VWCE: variants seen among roughly 807,000 people sequenced by gnomAD.
The protein encoded by VWCE is von Willebrand factor C and EGF domain-containing protein.
In VWCE, 68 loss-of-function variants were observed where a neutral mutation model predicts 102.9. The ratio of observed to expected loss-of-function variants is 0.66; its 90% CI spans 0.54 to 0.81. The LOEUF is 0.81. Ranked by LOEUF, VWCE falls within the 30% of genes least tolerant of loss-of-function variation. The probability of loss-of-function intolerance (pLI) is 0.00; values close to 1 mark genes in which losing one functional copy is unlikely to be tolerated. For synonymous variants in VWCE, 497 were observed against 515.4 expected (o/e 0.96, Z 0.48); for missense variants, 1,137 against 1,263.6 (o/e 0.90, Z 1.52).
At chr11:61,267,989 C>A (rs749225351) in intron 15 of VWCE, among the ~76,000 whole-genome samples, 3 of 151,940 alleles carry the variant, frequency 2.0e-5, no homozygotes, top group Non-Finnish European at 4.4e-5. Flanking sequence ...GCCCCAGAAG[C>A]CTGATGTGAG....
Position 61,287,013 on chromosome 11 carries a change from C to T in VWCE, c.425-583G>A, listed in dbSNP as rs551934230. Among the ~76,000 whole-genome samples the T allele has an allele frequency of 2.6e-4, 39 of 152,106 alleles. No individual in the cohort carries two copies. The South Asian group carries it at 7.9e-3, about 31-fold the overall frequency. ...TTGGGAGGCTGAGGCAGGAGAATGGCGTAAACCTGGGAGGCGGAGCTTGCA... is the reference window on the plus strand; with the variant it reads ...TTGGGAGGCTGAGGCAGGAGAATGGTGTAAACCTGGGAGGCGGAGCTTGCA... On this transcript the variant is annotated intron_variant, in intron 4 of 19. Coordinates refer to ENST00000335613, the MANE Select transcript of VWCE (RefSeq NM_152718.2).
chr11:61,281,367 GT>G, intron 7 of VWCE, 132 bp from the exon 8 acceptor site: 1 of 1,094,216 alleles, frequency 9.1e-7, no homozygotes, highest in Non-Finnish European at 1.3e-6. Context: ...ATTCTACTAT[GT>G]TTATGGGGAC....
At chr11:61,289,983 G>A (rs923798438) in intron 4 of VWCE, among the ~76,000 whole-genome samples, 7 of 152,330 alleles carry the variant, frequency 4.6e-5, no homozygotes, top group Middle Eastern at 3.4e-3. Context: ...GATTTTGTCC[G>A]TAGAAATGTT....
chr11:61,270,215 G>A (rs374838117), intron 14 of VWCE, among the ~76,000 whole-genome samples: 9 of 152,152 alleles, frequency 5.9e-5, no homozygotes, highest in South Asian at 2.1e-4. Flanking sequence ...CACCGCGCCC[G>A]GCCCAGCTTA....
rs375854050 is a variant in VWCE at position 61,267,470 on chromosome 11, T to C, written c.1957A>G (p.Ile653Val). ...ATCTGGGTGGTCCATACCAGGCAGA[T>C]GCAGCTCAGACATGGGTCCAGCACA... ...PSVLDPCLSC[I>V]CLLGSVACSP... The change falls in exon 16 of 20, where the codon ATC (isoleucine) becomes GTC (valine). Residue 653 changes from isoleucine (I) to valine (V), a missense_variant. Physicochemically the swap from Ile to Val is conservative, Grantham distance 29. Around this residue, in one of 5 missense-constraint regions of VWCE, gnomAD observed 212 missense variants for 235.1 expected, o/e 0.90. Coordinates refer to ENST00000335613, the MANE Select transcript of VWCE (RefSeq NM_152718.2). 4 of 1,613,946 alleles carry C rather than the reference T, an allele frequency of 2.5e-6. No homozygotes were observed. The African/African-American group carries it at 4.0e-5, about 16-fold the overall frequency.
intron 13 of VWCE, among the ~76,000 whole-genome samples, chr11:61,272,154 TTACA>T (rs1402596875): frequency 6.7e-6 from 1 of 148,548 alleles, no homozygotes; most frequent in Non-Finnish European, 1.5e-5. Context: ...AAATGCACAT[TTACA>T]TACACACACA....
chr11:61,284,808 C>T (rs754985879), intron 5 of VWCE, among the ~76,000 whole-genome samples: 56 of 152,082 alleles, frequency 3.7e-4, no homozygotes, highest in Admixed American at 6.5e-4. Context: ...ATTAGCCAGT[C>T]GTGGTGGCGC....
At chr11:61,267,343 C>T (rs1033259200) in intron 16 of VWCE, 119 bp downstream of exon 16, 8 of 1,031,352 alleles carry the variant, frequency 7.8e-6, no homozygotes, top group Middle Eastern at 2.1e-4. Context: ...TGACTTCCAC[C>T]ATGAACCAGA....
intron 19 of VWCE, 44 bp downstream of exon 19, chr11:61,264,443 G>T: frequency 6.4e-7 from 1 of 1,573,442 alleles, no homozygotes; most frequent in Middle Eastern, 1.7e-4. Context: ...AAGTAAAATG[G>T]AAGAAGATGG....
chr11:61,283,056 A>C (rs1855193549), intron 5 of VWCE, 151 bp from the exon 6 acceptor site: 1 of 705,970 alleles, frequency 1.4e-6, no homozygotes, highest in South Asian at 1.6e-5. Flanking sequence ...GCCCACATCC[A>C]GTCCTAAATA....
rs187729702 is a variant in VWCE at position 61,287,061 on chromosome 11, C to T, written c.425-631G>A. On this transcript the variant is annotated intron_variant, in intron 4 of 19. Coordinates refer to ENST00000335613, the MANE Select transcript of VWCE (RefSeq NM_152718.2). The stretch of plus-strand genomic sequence containing the variant: ...GCAGTGAGCCAAGATCGCACCACTG[C>T]ACTCCAGCCTGGGCGACAGAGCGAG... Among the ~76,000 whole-genome samples, 513 of 152,216 alleles carry T rather than the reference C, an allele frequency of 3.4e-3. 1 individual carries two copies. The highest frequency in any genetic ancestry group is 0.014 in the Middle Eastern group (4 of 294).
chr11:61,258,808 G>A lies in VWCE; in HGVS notation c.2735C>T (p.Pro912Leu), dbSNP rs759315240. 1.3e-6 allele frequency: 2 copies of A among 1,505,360 alleles called. No individual in the cohort carries two copies. Among genetic ancestry groups the A allele is most frequent in the East Asian group, 2.3e-5 (1 of 43,344 alleles). 93.3% of individuals were successfully genotyped at this position (1,505,360 alleles called of 1,614,324 possible). Reference sequence around the variant, plus strand: ...CACGCGAGGCCCGAGGAGGGTGATGGGGGTCTTCGAGGGGCTGGGGTCCAT... The same window carrying A: ...CACGCGAGGCCCGAGGAGGGTGATGAGGGTCTTCGAGGGGCTGGGGTCCAT... ...SMMDPSPSKT[P>L]ITLLGPRVLS... Residue 912 changes from proline (P) to leucine (L), a missense_variant, in exon 20 of 20, where the codon CCC becomes CTC. By Grantham distance (98) the Pro-to-Leu change is moderately conservative. This residue lies in a region of VWCE where 316 missense variants were observed against 319.3 expected (regional missense o/e 0.99). Transcript: ENST00000335613.
chr11:61,290,771 C>T (rs1430554467), intron 4 of VWCE, 28 bp downstream of exon 4: 3 of 1,585,118 alleles, frequency 1.9e-6, no homozygotes, highest in South Asian at 2.2e-5. Context: ...TCCCCCTCCC[C>T]CTCCCCCACC....
At chr11:61,262,611 A>G (rs1565215133) in intron 19 of VWCE, among the ~76,000 whole-genome samples, 1 of 152,232 alleles carries the variant, frequency 6.6e-6, no homozygotes. Flanking sequence ...TAATGTCCCC[A>G]ACATGATGGA....
rs575727930 is a variant in VWCE, at chr11:61,267,471, G to C, written c.1956C>G (p.Cys652Trp). 1 of 1,614,072 alleles carries C rather than the reference G, an allele frequency of 6.2e-7. No homozygotes were observed. The highest frequency in any genetic ancestry group is 8.5e-7 in the Non-Finnish European group (1 of 1,180,036). ...TCTGGGTGGTCCATACCAGGCAGAT[G>C]CAGCTCAGACATGGGTCCAGCACAG... is the stretch of plus-strand genomic sequence containing the variant. ...FPSVLDPCLS[C>W]ICLLGSVACS... Residue 652 changes from cysteine (C) to tryptophan (W), a missense_variant, in exon 16 of 20, where the codon TGC becomes TGG. Cys to Trp is a radical substitution (Grantham distance 215). Around this residue, in one of 5 missense-constraint regions of VWCE, gnomAD observed 212 missense variants for 235.1 expected, o/e 0.90. Transcript: ENST00000335613.
intron 7 of VWCE, 146 bp downstream of exon 7, chr11:61,281,640 G>GGGGTAGGGCGGGGCCA (rs1444478867): frequency 8.9e-7 from 1 of 1,119,902 alleles, no homozygotes; most frequent in African/African-American, 1.6e-5. Flanking sequence ...GGGCGGGGCC[G>GGGGTAGGGCGGGGCCA]GGGTAGGGCG....
chr11:61,283,519 C>T (rs914871743), intron 5 of VWCE, among the ~76,000 whole-genome samples: 1 of 152,218 alleles, frequency 6.6e-6, no homozygotes, highest in Non-Finnish European at 1.5e-5. Flanking sequence ...TCAAGCAGTT[C>T]TCCTGCCTCA....
At chr11:61,291,078 T>G (rs1565232139) in intron 3 of VWCE, 151 bp from the exon 4 acceptor site, 1 of 1,344,860 alleles carries the variant, frequency 7.4e-7, no homozygotes, top group East Asian at 2.5e-5. Context: ...ACCAGCTGTG[T>G]GACCCCGGGC....
In VWCE at chr11:61,294,953, GCTTCCTCCCGGTGTAGCCT is replaced by G; in HGVS notation, c.66_84del (p.Gly23ArgfsTer103). 6.9e-7 allele frequency: 1 copy of G among 1,456,754 alleles called. No individual in the cohort carries two copies. 90.2% of individuals were successfully genotyped at this position (1,456,754 alleles called of 1,614,324 possible). ...CTCTCGGCCGCGAAGTGCCCGGGCG[GCTTCCTCCCGGTGTAGCCT>G]CGGGCTGGTGCCCCCGGCAGCAGGA... On this transcript the variant is annotated frameshift_variant, in exon 1 of 20. Coordinates refer to ENST00000335613, the MANE Select transcript of VWCE (RefSeq NM_152718.2). LOFTEE classifies it high-confidence loss of function. This position sits in a 1 kb window ranked among gnomAD's most constrained non-coding sequence, Gnocchi z 6.3.
Sources: gnomAD v4.1 joint callset for allele counts (sites outside exome capture counted in the v4.1 genomes callset) on GRCh38, gnomAD v4.1.1 for gene constraint, gnomAD v4.1.1 regional missense constraint, Gnocchi (gnomAD v3.1) non-coding constraint, MANE v1.5 for transcripts, NCBI Gene and HGNC (gene_info 2026-07-23, HGNC 2026-07-21) for gene names.